The following ST8SIA6 variants were observed in gnomAD, a reference collection of about 807,000 sequenced individuals.
ST8SIA6 encodes alpha-2,8-sialyltransferase 8F.
A neutral mutation model predicts 33.6 loss-of-function variants in ST8SIA6; 39 were observed. The observed-to-expected ratio is 1.16, with a 90% CI of 0.90 to 1.52. ST8SIA6 has a LOEUF of 1.52. Among genes scored for constraint, ST8SIA6 ranks in the 40% most tolerant of loss-of-function variants. ST8SIA6 has a pLI of 0.00. For synonymous variants in ST8SIA6, 172 were observed against 167.2 expected, an observed-to-expected ratio of 1.03 and a Z score of -0.22; for missense variants, 441 against 443.8, an observed-to-expected ratio of 0.99 and a Z score of 0.06.
At chr10:17,322,090 G>A (rs1052966619) in intron 7 of ST8SIA6, among the ~76,000 whole-genome samples, 10 of 73,974 alleles carry the variant, frequency 1.4e-4, no homozygotes, top group Admixed American at 3.2e-4. Flanking sequence ...GTGACAAAGA[G>A]AGACAGAGAG....
intron 3 of ST8SIA6, among the ~76,000 whole-genome samples, chr10:17,365,433 C>A (rs1849528160): frequency 6.6e-6 from 1 of 152,090 alleles, no homozygotes; most frequent in Admixed American, 6.6e-5. Context: ...CATGGTGAAC[C>A]ACAGTCCAAA....
intron 2 of ST8SIA6, among the ~76,000 whole-genome samples, chr10:17,416,359 C>G (rs981658126): frequency 5.3e-5 from 8 of 152,168 alleles, no homozygotes; most frequent in Non-Finnish European, 8.8e-5. Context: ...GGCTTTGAGT[C>G]CTATCTCTCT....
rs142085319 is a variant in ST8SIA6 at position 17,387,596 on chromosome 10, C to T, written c.290+2935G>A. On this transcript the variant is annotated intron_variant, in intron 3 of 7. Coordinates refer to ENST00000377602, the MANE Select transcript of ST8SIA6 (RefSeq NM_001004470.3). ...AAACTAGGATTTTCATAGGGCTATCCTTCTGTGAGAAACGGAGCTAACATA... is the reference window on the plus strand; with the variant it reads ...AAACTAGGATTTTCATAGGGCTATCTTTCTGTGAGAAACGGAGCTAACATA... Among the ~76,000 whole-genome samples the T allele has an allele frequency of 3.7e-3, 560 of 152,270 alleles. 16 individuals are homozygous for T. The South Asian group carries it at 0.062, about 17-fold the overall frequency.
rs1346098570 is a variant in ST8SIA6, at chr10:17,318,384, T to G, written c.*2494A>C. ...GTGCACGCCACTATGCTCAGCTAATTTTTTTGTTTTTTGTAGAGAAGGGTA... is the reference window on the plus strand; with the variant it reads ...GTGCACGCCACTATGCTCAGCTAATGTTTTTGTTTTTTGTAGAGAAGGGTA... On this transcript the variant is annotated 3_prime_UTR_variant, in exon 8 of 8. Transcript: ENST00000377602. 2 of 278,992 alleles carry G rather than the reference T, an allele frequency of 7.2e-6. No homozygotes were observed. The highest frequency in any genetic ancestry group is 4.5e-5 in the African/African-American group (2 of 44,838). The allele number at this position is 278,992 out of a possible 1,614,324, so 17.3% of individuals were successfully genotyped here.
chr10:17,342,669 G>A (rs1017595033), intron 4 of ST8SIA6, among the ~76,000 whole-genome samples: 1 of 152,184 alleles, frequency 6.6e-6, no homozygotes, highest in African/African-American at 2.4e-5. Context: ...GGAAAGAACA[G>A]CCTGGGCACA....
chr10:17,378,583 C>T (rs1284648594), intron 3 of ST8SIA6, among the ~76,000 whole-genome samples: 1 of 152,132 alleles, frequency 6.6e-6, no homozygotes, highest in Admixed American at 6.5e-5. Flanking sequence ...TCAGGAAAAG[C>T]TTCATAAAGA....
Position 17,323,057 on chromosome 10 carries a change from CTACT to C in ST8SIA6, c.728+4_728+7del. The C allele has an allele frequency of 6.2e-7, 1 of 1,606,534 alleles. No individual in the cohort carries two copies. Among genetic ancestry groups the C allele is most frequent in the Non-Finnish European group, 8.5e-7 (1 of 1,175,334 alleles). Reference sequence around the variant, plus strand: ...TCCTGATCAGTTATGTAACTTGCAGCTACTTACTTCAGAGTTATGATGCTTGGAT... The same window carrying C: ...TCCTGATCAGTTATGTAACTTGCAGCTACTTCAGAGTTATGATGCTTGGAT... On this transcript the variant is annotated splice_donor_5th_base_variant and intron_variant, in intron 7 of 7. Transcript: ENST00000377602.
chr10:17,371,909 T>C (rs1471244082), intron 3 of ST8SIA6, among the ~76,000 whole-genome samples: 1 of 151,884 alleles, frequency 6.6e-6, no homozygotes, highest in Non-Finnish European at 1.5e-5. Context: ...AGAAATAATA[T>C]ATTTATTGTC....
intron 2 of ST8SIA6, among the ~76,000 whole-genome samples, chr10:17,432,240 G>T (rs1165114921): frequency 6.6e-6 from 1 of 152,220 alleles, no homozygotes; most frequent in African/African-American, 2.4e-5. Context: ...ACCAGCCTCG[G>T]AAAGGACTTC....
chr10:17,330,474 A>AT (rs1221641997), intron 5 of ST8SIA6, among the ~76,000 whole-genome samples: 3 of 152,018 alleles, frequency 2.0e-5, no homozygotes, highest in African/African-American at 4.8e-5. Flanking sequence ...AATTTACAGT[A>AT]TTTTTTCTCT....
intron 4 of ST8SIA6, among the ~76,000 whole-genome samples, chr10:17,344,622 ACAT>A (rs1246384028): frequency 6.6e-6 from 1 of 151,628 alleles, no homozygotes; most frequent in Non-Finnish European, 1.5e-5. Flanking sequence ...CAGTCAAACC[ACAT>A]CATCTGTCCT....
At position 17,327,121 on chromosome 10, in the gene ST8SIA6, C is replaced by T; in HGVS notation, c.528G>A (p.Gln176=). 6.3e-7 allele frequency: 1 copy of T among 1,595,488 alleles called. No homozygotes were observed. The highest frequency in any genetic ancestry group is 8.5e-7 in the Non-Finnish European group (1 of 1,173,154). ...GATTATAAGGGTAGTCCACAAAAGG[C>T]TGGGACTAGCAGGAGAAAGTGGAAA... ...KNIFHMFPVS[Q]PFVDYPYNQC... The change falls in exon 6 of 8, where the codon CAG becomes CAA. Residue 176 remains glutamine (Q), a synonymous_variant. Transcript: ENST00000377602.
Position 17,415,803 on chromosome 10 carries a change from C to CTTTTTTTTT in ST8SIA6, c.201-25192_201-25184dup, listed in dbSNP as rs968920842. On this transcript the variant is annotated intron_variant, in intron 2 of 7. Coordinates refer to ENST00000377602, the MANE Select transcript of ST8SIA6 (RefSeq NM_001004470.3). ...CAAATTCAATGGACGCCTCACTTGT[C>CTTTTTTTTT]TTTTTTTTTTTTTTTTTTTTTTTTG... Among the ~76,000 whole-genome samples the CTTTTTTTTT allele has an allele frequency of 2.3e-4, 21 of 92,208 alleles. 1 individual carries two copies. The highest frequency in any genetic ancestry group is 3.2e-4 in the East Asian group (1 of 3,078). The allele number at this position is 92,208 out of a possible 152,430, so 60.5% of individuals were successfully genotyped here.
At chr10:17,397,388 C>T (rs1850850363) in intron 2 of ST8SIA6, among the ~76,000 whole-genome samples, 1 of 152,144 alleles carries the variant, frequency 6.6e-6, no homozygotes, top group African/African-American at 2.4e-5. Context: ...ATGCCTGCCA[C>T]CACGACTGGC....
chr10:17,398,926 C>T (rs189081073), intron 2 of ST8SIA6, among the ~76,000 whole-genome samples: 40 of 152,256 alleles, frequency 2.6e-4, no homozygotes, highest in African/African-American at 9.4e-4. Context: ...TGTAATGTAG[C>T]CACCGCCCCT....
intron 4 of ST8SIA6, among the ~76,000 whole-genome samples, chr10:17,338,500 T>A (rs1420711225): frequency 6.6e-6 from 1 of 152,210 alleles, no homozygotes; most frequent in Non-Finnish European, 1.5e-5. Flanking sequence ...CTAAGCCTGT[T>A]CCCCTTGGAT....
chr10:17,381,891 A>C (rs1850163834), intron 3 of ST8SIA6, among the ~76,000 whole-genome samples: 1 of 152,244 alleles, frequency 6.6e-6, no homozygotes, highest in Non-Finnish European at 1.5e-5. Flanking sequence ...TGTTTTGGGA[A>C]AGAACTGTTA....
chr10:17,327,734 C>T (rs116248698), intron 5 of ST8SIA6, among the ~76,000 whole-genome samples: 1 of 152,230 alleles, frequency 6.6e-6, no homozygotes, highest in South Asian at 2.1e-4. Context: ...AAGCAAGACT[C>T]TGTCTCTACA....
chr10:17,428,249 T>C (rs897075779), intron 2 of ST8SIA6, among the ~76,000 whole-genome samples: 2 of 152,184 alleles, frequency 1.3e-5, no homozygotes, highest in East Asian at 3.9e-4. Context: ...TGTGTCCTGG[T>C]GCAGCCGCCA....
Sources: allele counts gnomAD v4.1 joint callset (sites outside exome capture counted in the v4.1 genomes callset), GRCh38; gene constraint gnomAD v4.1.1; transcripts MANE v1.5; gene names NCBI Gene and HGNC (gene_info 2026-07-23, HGNC 2026-07-21).